The following DCST1 variants were observed in gnomAD, a reference collection of about 807,000 sequenced individuals.
DCST1 encodes the protein DC-STAMP domain containing 1.
DCST1 carries 78 observed loss-of-function variants against 89.1 expected under a neutral mutation model. The ratio of observed to expected loss-of-function variants is 0.88; its 90% CI spans 0.73 to 1.06. The LOEUF (loss-of-function observed/expected upper bound fraction) is 1.06, where lower values mean the gene tolerates loss of function less well. Ranked by LOEUF, DCST1 falls within the 50% of genes least tolerant of loss-of-function variation. The pLI is 0.00. For synonymous variants in DCST1, 364 were observed against 371.9 expected (o/e 0.98, Z 0.24); for missense variants, 900 against 928.6 (o/e 0.97, Z 0.40).
chr1:155,042,669 G>A, intron 8 of DCST1, 66 bp from the exon 9 acceptor site: 2 of 1,608,034 alleles, frequency 1.2e-6, no homozygotes, highest in Middle Eastern at 2.0e-4. Flanking sequence ...AGGAGGACAG[G>A]CAGGCCAGGC....
In DCST1 at chr1:155,041,829, G is replaced by T; in HGVS notation, c.864G>T (p.Lys288Asn). 6.2e-7 allele frequency: 1 copy of T among 1,614,232 alleles called. No individual in the cohort carries two copies. The highest frequency in any genetic ancestry group is 8.5e-7 in the Non-Finnish European group (1 of 1,180,044). ...LLTHLLCLPMKFKFFCGIAKV... is the reference protein window; with the variant it reads ...LLTHLLCLPMNFKFFCGIAKV... ...CCCACCTGCTCTGCCTGCCTATGAA[G>T]TTCAAGTTCTTCTGTGGCATTGCCA... Residue 288 changes from lysine (K) to asparagine (N), a missense_variant, in exon 8 of 17, where the codon AAG becomes AAT. Coordinates refer to ENST00000295542, the MANE Select transcript of DCST1 (RefSeq NM_152494.4).
At chr1:155,050,463 C>A (rs1232639840) in intron 16 of DCST1, 154 bp from the exon 17 acceptor site, 3 of 1,009,608 alleles carry the variant, frequency 3.0e-6, no homozygotes, top group African/African-American at 3.3e-5. Context: ...GGGAGGGAGG[C>A]ACCCTCGCCC....
At chr1:155,040,780 G>C (rs1660417580) in intron 6 of DCST1, among the ~76,000 whole-genome samples, 156 bp downstream of exon 6, 1 of 152,212 alleles carries the variant, frequency 6.6e-6, no homozygotes, top group African/African-American at 2.4e-5. Context: ...AACGTGCCCT[G>C]GTCCTGGTGT....
chr1:155,037,438 CTTTTTTTTTT>C (rs781136167), intron 4 of DCST1, among the ~76,000 whole-genome samples: 2 of 125,832 alleles, frequency 1.6e-5, no homozygotes, highest in East Asian at 2.3e-4. Context: ...CATTGTTGGT[CTTTTTTTTTT>C]TTTTTTTTTT....
Position 155,034,519 on chromosome 1 carries a change from C to A in DCST1, c.146C>A (p.Ala49Asp). ...CAGCCGGGCGAGTTTCCTGTCACTGCTCTCCTGCTGGGGGCAGGCGCTGGG... is the reference window on the plus strand; with the variant it reads ...CAGCCGGGCGAGTTTCCTGTCACTGATCTCCTGCTGGGGGCAGGCGCTGGG... The part of the protein sequence containing the change: ...WRQPGEFPVT[A>D]LLLGAGAGGL... The change falls in exon 3 of 17, where the codon GCT becomes GAT. Residue 49 changes from alanine (A) to aspartate (D), a missense_variant. By Grantham distance (126) the Ala-to-Asp change is moderately radical (BLOSUM62 -2). Transcript: ENST00000295542. The A allele has an allele frequency of 6.2e-7, 1 of 1,613,630 alleles. No homozygotes were observed. Among genetic ancestry groups the A allele is most frequent in the Non-Finnish European group, 8.5e-7 (1 of 1,179,870 alleles).
At position 155,046,182 on chromosome 1, in the gene DCST1, T is replaced by C; in HGVS notation, c.1330T>C (p.Cys444Arg). The change falls in exon 12 of 17, where the codon TGC becomes CGC. Residue 444 changes from cysteine (C) to arginine (R), a missense_variant. Transcript: ENST00000295542. ...TGAGGAGAAAACCGTCATCTTCCCT[T>C]GCAAGCCCACCATCCAGGCCTCAGA... ...KAEEKTVIFP[C>R]KPTIQASEMS... 6.2e-7 allele frequency: 1 copy of C among 1,614,176 alleles called. No homozygotes were observed. The highest frequency in any genetic ancestry group is 1.1e-5 in the South Asian group (1 of 91,086).
At position 155,045,873 on chromosome 1, in the gene DCST1, C is replaced by A; in HGVS notation, c.1173-20C>A. 6.3e-7 allele frequency: 1 copy of A among 1,599,906 alleles called. No individual in the cohort carries two copies. On this transcript the variant is annotated intron_variant, in intron 10 of 16. Coordinates refer to ENST00000295542, the MANE Select transcript of DCST1 (RefSeq NM_152494.4). ...GAGAACCTGGAAGAGATGGAGACAT[C>A]CCTGCCCATCCACCCACAGGTCTTT...
chr1:155,049,131 G>A lies in DCST1; in HGVS notation c.1869+961G>A, dbSNP rs190395385. Reference sequence around the variant, plus strand: ...GCCAGAGGGCCTAAGTGTGTATCCCGGCTCCTTCCCTCATTACTATGACAA... The same window carrying A: ...GCCAGAGGGCCTAAGTGTGTATCCCAGCTCCTTCCCTCATTACTATGACAA... On this transcript the variant is annotated intron_variant, in intron 16 of 16. Transcript: ENST00000295542. The A allele has an allele frequency of 4.8e-5, 34 of 711,640 alleles. No homozygotes were observed. In the East Asian group the frequency reaches 8.4e-4, roughly 18 times the overall value. The allele number at this position is 711,640 out of a possible 1,614,324, so 44.1% of individuals were successfully genotyped here. A position where few individuals can be genotyped will look rare whatever the true frequency, so the allele number is the denominator to read the frequency against.
chr1:155,034,627 C>T (rs759229908), intron 3 of DCST1, 26 bp from the exon 4 acceptor site: 1 of 1,614,126 alleles, frequency 6.2e-7, no homozygotes, highest in South Asian at 1.1e-5. Context: ...CATCTTTTGG[C>T]CTTTGGCTTG....
intron 6 of DCST1, 35 bp from the exon 7 acceptor site, chr1:155,041,362 C>T (rs1478158312): frequency 1.2e-6 from 2 of 1,608,428 alleles, no homozygotes; most frequent in African/African-American, 1.3e-5. Flanking sequence ...AAAGCCCCAG[C>T]CCTCACCCTT....
chr1:155,047,757 G>T, intron 14 of DCST1, 30 bp from the exon 15 acceptor site: 1 of 1,608,288 alleles, frequency 6.2e-7, no homozygotes, highest in South Asian at 1.1e-5. Flanking sequence ...GGCTGGTCCT[G>T]ACCAGACCCC....
intron 10 of DCST1, chr1:155,045,635 A>G: frequency 2.0e-6 from 1 of 508,812 alleles, no homozygotes; most frequent in South Asian, 2.1e-5. Context: ...CCCTCCTCTG[A>G]GCCCCCACCT....
At position 155,046,206 on chromosome 1, in the gene DCST1, G is replaced by C. The variant is rs1021918610; in HGVS notation, c.1354G>C (p.Glu452Gln). 3.1e-6 allele frequency: 5 copies of C among 1,614,118 alleles called. No individual in the cohort carries two copies. The highest frequency in any genetic ancestry group is 4.2e-6 in the Non-Finnish European group (5 of 1,180,048). The change falls in exon 12 of 17, where the codon GAA becomes CAA. Residue 452 changes from glutamate to glutamine, a missense_variant. Glu to Gln is a conservative substitution (Grantham distance 29). Coordinates refer to ENST00000295542, the MANE Select transcript of DCST1 (RefSeq NM_152494.4). The part of the protein sequence containing the change: ...FPCKPTIQAS[E>Q]MSNVVRELLE... ...TTGCAAGCCCACCATCCAGGCCTCA[G>C]AAATGAGCAATGTGGTGAGGACAGC...
chr1:155,047,602 A>C (rs1342339280), intron 14 of DCST1, among the ~76,000 whole-genome samples, 185 bp from the exon 15 acceptor site: 2 of 152,250 alleles, frequency 1.3e-5, no homozygotes, highest in Non-Finnish European at 2.9e-5. Flanking sequence ...AGAAATCTGC[A>C]AGATCTGTGC....
rs911769199 is a variant in DCST1 at position 155,034,997 on chromosome 1, C to G, written c.262+270C>G. ...AGTCCAACCCCATAACCCTTCATAA[C>G]TCTCATCTCTCCTGACCTGTCTGAC... On this transcript the variant is annotated intron_variant, in intron 4 of 16. Coordinates refer to ENST00000295542, the MANE Select transcript of DCST1 (RefSeq NM_152494.4). 2.2e-5 allele frequency: 11 copies of G among 494,200 alleles called. 1 individual carries two copies. In the South Asian group the frequency reaches 2.5e-4, roughly 11 times the overall value. 30.6% of individuals were successfully genotyped at this position (494,200 alleles called of 1,614,324 possible). A position where few individuals can be genotyped will look rare whatever the true frequency, so the allele number is the denominator to read the frequency against.
chr1:155,049,161 G>A (rs1444129669), intron 16 of DCST1: 2 of 697,630 alleles, frequency 2.9e-6, no homozygotes, highest in Admixed American at 2.1e-5. Context: ...TGACAACGGT[G>A]TGACCTTGAG....
chr1:155,041,793 C>T lies in DCST1; in HGVS notation c.828C>T (p.Val276=). Residue 276 remains valine, a synonymous_variant, in exon 8 of 17, where the codon GTC becomes GTT. Transcript: ENST00000295542. Reference sequence around the variant, plus strand: ...AACAGTGCATGAAGCACATCTGGGTCCCACTCCTCACCCACCTGCTCTGCC... The same window carrying T: ...AACAGTGCATGAAGCACATCTGGGTTCCACTCCTCACCCACCTGCTCTGCC... ...KHEQCMKHIW[V]PLLTHLLCLP... is the part of the protein sequence containing the mutation. 1 of 1,614,234 alleles carries T rather than the reference C, an allele frequency of 6.2e-7. No homozygotes were observed. Among genetic ancestry groups the T allele is most frequent in the Non-Finnish European group, 8.5e-7 (1 of 1,180,040 alleles).
Position 155,046,172 on chromosome 1 carries a change from C to G in DCST1, c.1320C>G (p.Val440=), listed in dbSNP as rs1214420300. 1.2e-6 allele frequency: 2 copies of G among 1,614,220 alleles called. No homozygotes were observed. Among genetic ancestry groups the G allele is most frequent in the Non-Finnish European group, 8.5e-7 (1 of 1,180,048 alleles). Residue 440 remains valine, a synonymous_variant, in exon 12 of 17, where the codon GTC becomes GTG. Coordinates refer to ENST00000295542, the MANE Select transcript of DCST1 (RefSeq NM_152494.4). ...LPLRKAEEKT[V]IFPCKPTIQA... ...TCCGCAAAGCTGAGGAGAAAACCGT[C>G]ATCTTCCCTTGCAAGCCCACCATCC... is the stretch of plus-strand genomic sequence containing the variant.
At position 155,039,455 on chromosome 1, in the gene DCST1, CCTA is replaced by C. The variant is rs1459516833; in HGVS notation, c.319_321del (p.Leu107del). 2.5e-6 allele frequency: 4 copies of C among 1,601,266 alleles called. No homozygotes were observed. ...CCCCTCACATCCGCTGTGCCAGCCT[CCTA>C]CTAGTACCCAAGATGCTGGGCAAGG... is the stretch of plus-strand genomic sequence containing the variant. On this transcript the variant is annotated inframe_deletion, in exon 5 of 17. Transcript: ENST00000295542.
Sources: gnomAD v4.1 joint callset for allele counts (sites outside exome capture counted in the v4.1 genomes callset) on GRCh38, gnomAD v4.1.1 for gene constraint, MANE v1.5 for transcripts, NCBI Gene and HGNC (gene_info 2026-07-23, HGNC 2026-07-21) for gene names.